WDR7: variants seen among roughly 807,000 people sequenced by gnomAD.
The protein encoded by WDR7 is WD repeat domain 7, also known as WD repeat-containing protein 7.
In WDR7, 46 loss-of-function variants were observed where a neutral mutation model predicts 169.4. The observed-to-expected ratio is 0.27, with a 90% confidence interval of 0.21 to 0.35. The LOEUF (loss-of-function observed/expected upper bound fraction) is 0.35. Ranked by LOEUF, WDR7 falls within the 10% of genes least tolerant of loss-of-function variation. WDR7 has a pLI of 1.00. For synonymous variants in WDR7, 612 were observed against 666.8 expected, an observed-to-expected ratio of 0.92 and a Z score of 1.27; for missense variants, 1,534 against 1,859.3, an observed-to-expected ratio of 0.83 and a Z score of 3.22.
At chr18:56,998,948 G>A (rs1411779873) in intron 26 of WDR7, among the ~76,000 whole-genome samples, 4 of 152,140 alleles carry the variant, frequency 2.6e-5, no homozygotes, top group Non-Finnish European at 5.9e-5. Flanking sequence ...CTTAATAGCT[G>A]AAGAAAACAA....
intron 25 of WDR7, among the ~76,000 whole-genome samples, chr18:56,951,112 A>G (rs1211134783): frequency 6.6e-6 from 1 of 152,090 alleles, no homozygotes; most frequent in East Asian, 1.9e-4. Context: ...GTTCAGGTCA[A>G]CCTCCTCTGA....
At chr18:56,911,935 A>C (rs1428853522) in intron 21 of WDR7, among the ~76,000 whole-genome samples, 2 of 152,192 alleles carry the variant, frequency 1.3e-5, no homozygotes, top group Non-Finnish European at 2.9e-5. Context: ...ATAATACTTT[A>C]ATTCTTAACT....
chr18:56,927,290 A>C (rs2046821465), intron 22 of WDR7, among the ~76,000 whole-genome samples: 1 of 151,770 alleles, frequency 6.6e-6, no homozygotes, highest in Non-Finnish European at 1.5e-5. Flanking sequence ...CTCCTAAAAC[A>C]CTGTATATGC....
chr18:57,001,917 C>A (rs933107287), intron 26 of WDR7, among the ~76,000 whole-genome samples: 9 of 152,016 alleles, frequency 5.9e-5, no homozygotes, highest in African/African-American at 1.9e-4. Flanking sequence ...CAAATATGAA[C>A]CCTAACTAGA....
chr18:56,963,734 G>A (rs74549641), intron 26 of WDR7, among the ~76,000 whole-genome samples: 2,229 of 151,622 alleles, frequency 0.015, 16 homozygotes, highest in African/African-American at 0.026. Flanking sequence ...TTCTACTGTG[G>A]GCCCTCACTG....
chr18:56,828,091 T>G (rs1046571229), intron 20 of WDR7, among the ~76,000 whole-genome samples: 4 of 152,208 alleles, frequency 2.6e-5, no homozygotes, highest in Non-Finnish European at 5.9e-5. Flanking sequence ...TAGTGGTGTT[T>G]ATTCTAGGTA....
chr18:56,796,535 A>G (rs1476834592), intron 19 of WDR7, among the ~76,000 whole-genome samples: 1 of 152,194 alleles, frequency 6.6e-6, no homozygotes, highest in East Asian at 1.9e-4. Flanking sequence ...GTGAGATTTT[A>G]CTTGAAATAT....
intron 27 of WDR7, among the ~76,000 whole-genome samples, chr18:57,021,529 TTTC>T (rs1423505880): frequency 6.6e-6 from 1 of 152,238 alleles, no homozygotes; most frequent in Admixed American, 6.5e-5. Context: ...GTTCAGAACA[TTTC>T]TTAAGATCTC....
chr18:56,831,445 G>A (rs925404792), intron 20 of WDR7, among the ~76,000 whole-genome samples: 3 of 152,104 alleles, frequency 2.0e-5, no homozygotes, highest in East Asian at 1.9e-4. Context: ...GGGGCAAGTC[G>A]GGGTAAGCAG....
intron 21 of WDR7, among the ~76,000 whole-genome samples, chr18:56,885,696 G>A (rs538650793): frequency 1.1e-3 from 170 of 151,594 alleles, no homozygotes; most frequent in South Asian, 2.5e-3. Flanking sequence ...GCATGGTGAC[G>A]GGCACCTGTA....
chr18:57,027,090 G>A lies in WDR7; in HGVS notation c.4356G>A (p.Val1452=), dbSNP rs1295575715. 1.2e-6 allele frequency: 2 copies of A among 1,614,180 alleles called. No homozygotes were observed. The highest frequency in any genetic ancestry group is 1.6e-4 in the Middle Eastern group (1 of 6,062). The change falls in exon 28 of 28, where the codon GTG becomes GTA. Residue 1452 remains valine, a synonymous_variant. Coordinates refer to ENST00000254442, the MANE Select transcript of WDR7 (RefSeq NM_015285.3). ...RCIKTYQVPP[V]QPASPGSHNA... ...TTAAAACCTACCAGGTGCCCCCTGT[G>A]CAGCCCGCGTCCCCCGGCTCCCACA... is the stretch of plus-strand genomic sequence containing the variant.
chr18:56,724,539 C>T (rs1024746312), intron 13 of WDR7, among the ~76,000 whole-genome samples: 80 of 151,896 alleles, frequency 5.3e-4, no homozygotes, highest in African/African-American at 1.8e-3. Flanking sequence ...TATTAGACAC[C>T]AGATATCGTG....
intron 20 of WDR7, among the ~76,000 whole-genome samples, chr18:56,846,551 C>T (rs2045571238): frequency 6.6e-6 from 1 of 152,138 alleles, no homozygotes; most frequent in Non-Finnish European, 1.5e-5. Flanking sequence ...ACTATAAGTC[C>T]AATTGAACCT....
intron 24 of WDR7, 53 bp downstream of exon 24, chr18:56,938,735 A>G (rs1271566477): frequency 2.4e-5 from 38 of 1,593,638 alleles, no homozygotes; most frequent in Non-Finnish European, 3.1e-5. Flanking sequence ...TAAATATTCT[A>G]ATGAAGTAAT....
intron 25 of WDR7, among the ~76,000 whole-genome samples, chr18:56,944,356 G>A (rs1222995193): frequency 1.3e-5 from 2 of 152,034 alleles, no homozygotes; most frequent in Admixed American, 6.6e-5. Context: ...AAACTTTAAC[G>A]TGGTAATTTC....
intron 19 of WDR7, among the ~76,000 whole-genome samples, chr18:56,787,301 C>G (rs372102273): frequency 6.6e-6 from 1 of 152,092 alleles, no homozygotes; most frequent in Non-Finnish European, 1.5e-5. Flanking sequence ...ATTTCTTGTA[C>G]GTTGTATTCT....
intron 25 of WDR7, among the ~76,000 whole-genome samples, chr18:56,940,292 AATGGC>A (rs1372672441): frequency 2.6e-5 from 4 of 152,212 alleles, no homozygotes; most frequent in Admixed American, 2.6e-4. Context: ...TCCTGAGAGC[AATGGC>A]ATTACCTGCT....
At chr18:56,776,140 C>A (rs2044239816) in intron 16 of WDR7, among the ~76,000 whole-genome samples, 1 of 149,990 alleles carries the variant, frequency 6.7e-6, no homozygotes, top group African/African-American at 2.5e-5. Flanking sequence ...ATATAAAATT[C>A]ACAAAAATTT....
chr18:56,881,568 G>C (rs2046108520), intron 21 of WDR7, among the ~76,000 whole-genome samples: 1 of 151,998 alleles, frequency 6.6e-6, no homozygotes. Context: ...GTTGGAAAGG[G>C]CTTAATGACT....
Sources: gnomAD v4.1 joint callset for allele counts (sites outside exome capture counted in the v4.1 genomes callset) on GRCh38, gnomAD v4.1.1 for gene constraint, MANE v1.5 for transcripts, NCBI Gene and HGNC (gene_info 2026-07-23, HGNC 2026-07-21) for gene names.